Variants in DEPDC5 observed in about 807,000 individuals in gnomAD.
DEPDC5 encodes DEP domain containing 5, GATOR1 subcomplex subunit.
Under a neutral mutation model 217.3 loss-of-function variants are expected in DEPDC5, and 73 were observed. That is an observed-to-expected ratio of 0.34 (90% CI 0.28 to 0.41). The LOEUF is 0.41. DEPDC5 is among the 10% of genes least tolerant of loss of function. The pLI, the probability that DEPDC5 is intolerant of heterozygous loss-of-function variation, is 1.00. For synonymous variants in DEPDC5, 733 were observed against 756.7 expected, an observed-to-expected ratio of 0.97 and a Z score of 0.51; for missense variants, 1,675 against 2,070.1, an observed-to-expected ratio of 0.81 and a Z score of 3.70.
chr22:31,758,413 C>T (rs370726150), intron 2 of DEPDC5, 133 bp from the exon 3 acceptor site: 10 of 732,068 alleles, frequency 1.4e-5, no homozygotes, highest in Admixed American at 1.1e-4. Flanking sequence ...TTGTAAGCCT[C>T]GTTTCAAAAT....
intron 33 of DEPDC5, among the ~76,000 whole-genome samples, chr22:31,865,272 C>T (rs2092657821): frequency 6.6e-6 from 1 of 152,140 alleles, no homozygotes; most frequent in South Asian, 2.1e-4. Context: ...AGGAAGATCC[C>T]TATTAGTCCA....
At chr22:31,889,082 C>G (rs1358931120) in intron 38 of DEPDC5, among the ~76,000 whole-genome samples, 1 of 152,188 alleles carries the variant, frequency 6.6e-6, no homozygotes, top group Non-Finnish European at 1.5e-5. Context: ...CATTTTTCTC[C>G]TCTGCTGACA....
intron 38 of DEPDC5, among the ~76,000 whole-genome samples, chr22:31,882,276 A>G (rs568065442): frequency 5.3e-5 from 8 of 152,336 alleles, no homozygotes; most frequent in Admixed American, 2.0e-4. Context: ...GGAACAAGGA[A>G]CTAAGCCTGA....
chr22:31,861,088 A>T (rs569570537), intron 32 of DEPDC5, among the ~76,000 whole-genome samples: 4 of 151,418 alleles, frequency 2.6e-5, no homozygotes, highest in African/African-American at 9.7e-5. Flanking sequence ...TCCCACACAG[A>T]TGGGATATTC....
intron 37 of DEPDC5, among the ~76,000 whole-genome samples, chr22:31,878,308 T>C (rs1476921615): frequency 6.6e-6 from 1 of 152,188 alleles, no homozygotes; most frequent in Non-Finnish European, 1.5e-5. Flanking sequence ...ATTGACACTT[T>C]TCCCTTTAAA....
At chr22:31,760,082 T>G (rs1370493308) in intron 3 of DEPDC5, among the ~76,000 whole-genome samples, 1 of 151,334 alleles carries the variant, frequency 6.6e-6, no homozygotes, top group African/African-American at 2.4e-5. Context: ...TTTTTTTTTT[T>G]TGTGAGACGG....
At position 31,766,566 on chromosome 22, in the gene DEPDC5, A is replaced by G. The variant is rs756150708; in HGVS notation, c.280-19A>G. The G allele has an allele frequency of 9.3e-6, 15 of 1,610,444 alleles. No homozygotes were observed. Among genetic ancestry groups the G allele is most frequent in the Admixed American group, 1.7e-5 (1 of 59,784 alleles). ...GTGGCAAAGTAATGTCAGAGATATCATTTGATTATTCCTTTTAGGATGTGA... is the reference window on the plus strand; with the variant it reads ...GTGGCAAAGTAATGTCAGAGATATCGTTTGATTATTCCTTTTAGGATGTGA... On this transcript the variant is annotated intron_variant, in intron 5 of 42. Transcript: ENST00000651528.
chr22:31,774,617 G>C (rs2083656356), intron 7 of DEPDC5, among the ~76,000 whole-genome samples: 2 of 149,854 alleles, frequency 1.3e-5, no homozygotes, highest in Non-Finnish European at 3.0e-5. Context: ...TAAGTGGGCA[G>C]ATTGCTTGAG....
At chr22:31,808,716 G>T (rs185863477) in intron 18 of DEPDC5, among the ~76,000 whole-genome samples, 22 of 151,766 alleles carry the variant, frequency 1.4e-4, no homozygotes, top group Admixed American at 5.2e-4. Context: ...ACAGGTGTGA[G>T]CCACCATGCC....
chr22:31,865,493 TCAAAACAAAA>T lies in DEPDC5; in HGVS notation c.3330+4083_3330+4092del, dbSNP rs111677630. On this transcript the variant is annotated intron_variant, in intron 33 of 42. Transcript: ENST00000651528. Reference sequence around the variant, plus strand: ...CCCGGGCGACAGAGCAAGACCTGTCTCAAAACAAAACAAAACAAAACAAAACAAAACATAT... The same window carrying T: ...CCCGGGCGACAGAGCAAGACCTGTCTCAAAACAAAACAAAACAAAACATAT... 5.1e-4 allele frequency among the ~76,000 whole-genome samples: 77 copies of T among 151,992 alleles called. 1 individual carries two copies. Among genetic ancestry groups the T allele is most frequent in the South Asian group, 3.3e-3 (16 of 4,808 alleles).
rs2091543021 is a variant in DEPDC5 at position 31,843,774 on chromosome 22, A to T, written c.2763A>T (p.Leu921Phe). Residue 921 changes from leucine to phenylalanine, a missense_variant, in exon 29 of 43, where the codon TTA (leucine) becomes TTT (phenylalanine). This residue lies in a region of DEPDC5 where 293 missense variants were observed against 386.1 expected (regional missense o/e 0.76). Transcript: ENST00000651528. ...TGGAGGAGTACAAGTGGAATTACTT[A>T]GATCAGTATATCTGTTCTGCCGGCT... is the stretch of plus-strand genomic sequence containing the variant. ...ERLEEYKWNY[L>F]DQYICSAGSE... 1.9e-6 allele frequency: 3 copies of T among 1,613,498 alleles called. No homozygotes were observed. The highest frequency in any genetic ancestry group is 2.5e-6 in the Non-Finnish European group (3 of 1,179,458).
At chr22:31,762,999 T>A (rs1030066980) in intron 4 of DEPDC5, among the ~76,000 whole-genome samples, 15 of 151,580 alleles carry the variant, frequency 9.9e-5, no homozygotes, top group African/African-American at 3.1e-4. Context: ...ATTTATATTT[T>A]TATTTTTTTG....
In DEPDC5 at chr22:31,829,386, G is replaced by A. The variant is rs958202005; in HGVS notation, c.2105-4529G>A. Among the ~76,000 whole-genome samples the A allele has an allele frequency of 7.9e-5, 12 of 152,128 alleles. No homozygotes were observed. In the East Asian group the frequency reaches 2.3e-3, roughly 29 times the overall value. On this transcript the variant is annotated intron_variant, in intron 24 of 42. Coordinates refer to ENST00000651528, the MANE Select transcript of DEPDC5 (RefSeq NM_001242896.3). ...GCCTCTACTGAAAATACAAATATTAGCTGGGCGTGGTGGCGGGCGCCTGTA... is the reference window on the plus strand; with the variant it reads ...GCCTCTACTGAAAATACAAATATTAACTGGGCGTGGTGGCGGGCGCCTGTA...
chr22:31,779,072 A>T (rs1371363963), intron 8 of DEPDC5, among the ~76,000 whole-genome samples: 1 of 152,012 alleles, frequency 6.6e-6, no homozygotes, highest in African/African-American at 2.4e-5. Context: ...CCTGGCCTCT[A>T]CTCACTAGAT....
chr22:31,816,423 TC>T (rs2089135247), intron 21 of DEPDC5: 1 of 152,042 alleles, frequency 6.6e-6, no homozygotes, highest in Non-Finnish European at 1.5e-5. Flanking sequence ...TTCTTTCTTT[TC>T]TTTTTTTTTC....
At chr22:31,832,685 T>C (rs879870700) in intron 24 of DEPDC5, among the ~76,000 whole-genome samples, 4 of 152,206 alleles carry the variant, frequency 2.6e-5, no homozygotes, top group Non-Finnish European at 5.9e-5. Flanking sequence ...TGCTATTTCC[T>C]TAATGACTAC....
In DEPDC5 at chr22:31,875,929, G is replaced by A. The variant is rs117316384; in HGVS notation, c.3697-228G>A. 0.019 allele frequency: 8,325 copies of A among 443,712 alleles called. 115 individuals carry two copies. The highest frequency in any genetic ancestry group is 0.025 in the South Asian group (645 of 25,328). 27.5% of individuals were successfully genotyped at this position (443,712 alleles called of 1,614,324 possible). On this transcript the variant is annotated intron_variant, in intron 36 of 42. Transcript: ENST00000651528. Reference sequence around the variant, plus strand: ...GTTACAGGCGTGAGCCACTGCTCCCGGCCATCTGAATTTCTTCATGCCCTT... The same window carrying A: ...GTTACAGGCGTGAGCCACTGCTCCCAGCCATCTGAATTTCTTCATGCCCTT...
At chr22:31,796,133 C>T (rs1327630811) in intron 12 of DEPDC5, among the ~76,000 whole-genome samples, 3 of 147,050 alleles carry the variant, frequency 2.0e-5, no homozygotes, top group Non-Finnish European at 4.5e-5. Flanking sequence ...CGAAGTCTCG[C>T]TCTGTCGCCC....
chr22:31,907,962 T>A lies in DEPDC5; in HGVS notation c.*1465T>A, dbSNP rs992430945. 6.6e-6 allele frequency: 1 copy of A among 152,198 alleles called. No homozygotes were observed. The highest frequency in any genetic ancestry group is 1.5e-5 in the Non-Finnish European group (1 of 68,052). The allele number at this position is 152,198 out of a possible 1,614,324, so 9.4% of individuals were successfully genotyped here. A position where few individuals can be genotyped will look rare whatever the true frequency, so the allele number is the denominator to read the frequency against. On this transcript the variant is annotated 3_prime_UTR_variant, in exon 43 of 43. Transcript: ENST00000651528. ...TTCTCTTAGATCCCCAGGAAAACCT[T>A]CTAATTTGTCTCTGCTTTCACTCCA...
Sources: gnomAD v4.1 joint callset for allele counts (sites outside exome capture counted in the v4.1 genomes callset) on GRCh38, gnomAD v4.1.1 for gene constraint, gnomAD v4.1.1 regional missense constraint, MANE v1.5 for transcripts, NCBI Gene and HGNC (gene_info 2026-07-23, HGNC 2026-07-21) for gene names.